The following SYNPR variants were observed in gnomAD, a reference collection of about 807,000 sequenced individuals.
SYNPR encodes the protein synaptoporin.
A neutral mutation model predicts 32.9 loss-of-function variants in SYNPR; 23 were observed. The ratio of observed to expected loss-of-function variants is 0.70; its 90% CI spans 0.50 to 0.99. SYNPR has a LOEUF of 0.99. Among genes scored for constraint, SYNPR ranks in the 50% least tolerant of loss-of-function variants. The pLI is 0.00. For synonymous variants in SYNPR, 146 were observed against 135.9 expected (o/e 1.07, Z -0.52); for missense variants, 318 against 349.3 (o/e 0.91, Z 0.71).
At position 63,356,771 on chromosome 3, in the gene SYNPR, G is replaced by A. The variant is rs762912607; in HGVS notation, c.84+78029G>A. Among the ~76,000 whole-genome samples, 6 of 152,264 alleles carry A rather than the reference G, an allele frequency of 3.9e-5. No homozygotes were observed. The South Asian group carries it at 1.0e-3, about 26-fold the overall frequency. ...TATTGAATGTGAAACATATTTCCCTGACACAAACTTATAGGCAGCTTTAGA... is the reference window on the plus strand; with the variant it reads ...TATTGAATGTGAAACATATTTCCCTAACACAAACTTATAGGCAGCTTTAGA... On this transcript the variant is annotated intron_variant, in intron 2 of 5. Coordinates refer to ENST00000478300, the MANE Select transcript of SYNPR (RefSeq NM_001130003.2).
chr3:63,280,859 C>G (rs893639290), intron 2 of SYNPR, among the ~76,000 whole-genome samples: 3 of 152,140 alleles, frequency 2.0e-5, no homozygotes, highest in Non-Finnish European at 2.9e-5. Flanking sequence ...TTCTAAGGCT[C>G]GAAGGAGGAA....
chr3:63,510,355 C>G (rs1215523885), intron 3 of SYNPR, among the ~76,000 whole-genome samples: 1 of 152,124 alleles, frequency 6.6e-6, no homozygotes, highest in Non-Finnish European at 1.5e-5. Flanking sequence ...TGTGTTTTTA[C>G]TTGTTTGATA....
chr3:63,237,684 C>A (rs550185892), intron 1 of SYNPR, among the ~76,000 whole-genome samples: 1 of 152,136 alleles, frequency 6.6e-6, no homozygotes, highest in South Asian at 2.1e-4. Context: ...TTCATTTTAT[C>A]ACATTTAAGT....
intron 3 of SYNPR, among the ~76,000 whole-genome samples, chr3:63,491,035 G>T (rs1439008745): frequency 2.6e-5 from 4 of 152,018 alleles, no homozygotes; most frequent in Admixed American, 2.6e-4. Context: ...AAGTGAGGGG[G>T]TTACAGGTGG....
chr3:63,507,919 T>C (rs2106748272), intron 3 of SYNPR, among the ~76,000 whole-genome samples: 1 of 152,148 alleles, frequency 6.6e-6, no homozygotes, highest in African/African-American at 2.4e-5. Context: ...AATTTTAAGT[T>C]ATCTAGTAGC....
rs1181179631 is a variant in SYNPR, at chr3:63,494,399, ATATATATATATATATATACG to A, written c.209+13458_209+13477del. On this transcript the variant is annotated intron_variant, in intron 3 of 5. Coordinates refer to ENST00000478300, the MANE Select transcript of SYNPR (RefSeq NM_001130003.2). Reference sequence around the variant, plus strand: ...AGGGTGGATATGTTAATTCTTATATATATATATATATATATATACGTATATATATATATACGTATATATAT... The same window carrying A: ...AGGGTGGATATGTTAATTCTTATATATATATATATATATACGTATATATAT... Among the ~76,000 whole-genome samples the A allele has an allele frequency of 5.2e-4, 23 of 44,608 alleles. 1 individual carries two copies. The highest frequency in any genetic ancestry group is 4.8e-4 in the Non-Finnish European group (11 of 22,994). The allele number at this position is 44,608 out of a possible 152,430, so 29.3% of individuals were successfully genotyped here.
At chr3:63,245,680 T>TGAGAGAGAGAGAGA (rs71992869) in intron 1 of SYNPR, among the ~76,000 whole-genome samples, 64 of 123,326 alleles carry the variant, frequency 5.2e-4, no homozygotes, top group African/African-American at 1.2e-3. Flanking sequence ...CTTTGTCAAG[T>TGAGAGAGAGAGAGA]GAGAGAGAGA....
chr3:63,541,174 C>A (rs948087269), intron 3 of SYNPR, among the ~76,000 whole-genome samples: 2 of 151,104 alleles, frequency 1.3e-5, no homozygotes, highest in Middle Eastern at 3.2e-3. Context: ...TAAAACCAAG[C>A]AGAGGCAGGC....
chr3:63,355,646 C>T (rs771805750), intron 2 of SYNPR, among the ~76,000 whole-genome samples: 1 of 152,162 alleles, frequency 6.6e-6, no homozygotes, highest in Non-Finnish European at 1.5e-5. Flanking sequence ...TCCCTGCTTT[C>T]GTTTTCATCC....
chr3:63,575,111 A>G (rs1432727513), intron 4 of SYNPR, among the ~76,000 whole-genome samples: 2 of 152,082 alleles, frequency 1.3e-5, no homozygotes, highest in African/African-American at 2.4e-5. Flanking sequence ...AGGTGCAAGC[A>G]CTTCACAGAA....
At chr3:63,529,162 G>T (rs902919442) in intron 3 of SYNPR, among the ~76,000 whole-genome samples, 1 of 152,130 alleles carries the variant, frequency 6.6e-6, no homozygotes, top group African/African-American at 2.4e-5. Context: ...AGTATCCATG[G>T]GGGACCCCTG....
chr3:63,566,094 A>G (rs1702785210), intron 4 of SYNPR, among the ~76,000 whole-genome samples: 1 of 151,942 alleles, frequency 6.6e-6, no homozygotes, highest in African/African-American at 2.4e-5. Flanking sequence ...TCATCAAAGA[A>G]CTCTTGCGTT....
chr3:63,481,738 G>A (rs890328616), intron 3 of SYNPR, among the ~76,000 whole-genome samples: 5 of 152,096 alleles, frequency 3.3e-5, no homozygotes, highest in African/African-American at 1.2e-4. Context: ...ACGTGCAAGT[G>A]CATGACTTCT....
At position 63,402,430 on chromosome 3, in the gene SYNPR, T is replaced by C. The variant is rs532960821; in HGVS notation, c.85-78402T>C. Reference sequence around the variant, plus strand: ...AATTCAATATGAATTCTAGTTCTTATCCCAAAAGCAAGTTAGTATTTTATA... The same window carrying C: ...AATTCAATATGAATTCTAGTTCTTACCCCAAAAGCAAGTTAGTATTTTATA... On this transcript the variant is annotated intron_variant, in intron 2 of 5. Coordinates refer to ENST00000478300, the MANE Select transcript of SYNPR (RefSeq NM_001130003.2). Among the ~76,000 whole-genome samples, 4 of 152,338 alleles carry C rather than the reference T, an allele frequency of 2.6e-5. 1 individual carries two copies. The South Asian group carries it at 6.2e-4, about 24-fold the overall frequency.
At chr3:63,462,060 C>T (rs898471778) in intron 2 of SYNPR, among the ~76,000 whole-genome samples, 66 of 152,202 alleles carry the variant, frequency 4.3e-4, no homozygotes, top group African/African-American at 1.5e-3. Context: ...TTCCTCTTGG[C>T]CACTGCAGCC....
intron 3 of SYNPR, among the ~76,000 whole-genome samples, chr3:63,547,715 T>A (rs1052876705): frequency 6.6e-6 from 1 of 152,162 alleles, no homozygotes; most frequent in Non-Finnish European, 1.5e-5. Flanking sequence ...AAATATGTGA[T>A]TGATACAAAC....
rs575629803 is a variant in SYNPR at position 63,433,890 on chromosome 3, C to A, written c.85-46942C>A. 2.0e-5 allele frequency among the ~76,000 whole-genome samples: 3 copies of A among 152,144 alleles called. No homozygotes were observed. The South Asian group carries it at 6.2e-4, about 32-fold the overall frequency. On this transcript the variant is annotated intron_variant, in intron 2 of 5. Coordinates refer to ENST00000478300, the MANE Select transcript of SYNPR (RefSeq NM_001130003.2). The stretch of plus-strand genomic sequence containing the variant: ...GAGGTTTTTACAAATATTTTATAAG[C>A]ACTCCAATTAAAATAATGCCCCAGA...
chr3:63,411,301 G>A (rs2088461717), intron 2 of SYNPR, among the ~76,000 whole-genome samples: 1 of 152,114 alleles, frequency 6.6e-6, no homozygotes, highest in East Asian at 1.9e-4. Flanking sequence ...TGGGTAGCAT[G>A]TTTCTGCTGG....
intron 2 of SYNPR, among the ~76,000 whole-genome samples, chr3:63,318,225 A>G (rs2087065045): frequency 6.6e-6 from 1 of 151,954 alleles, no homozygotes; most frequent in Non-Finnish European, 1.5e-5. Flanking sequence ...CCTGATGACA[A>G]TGTGCCTAGG....
Sources: gnomAD v4.1 joint callset for allele counts (sites outside exome capture counted in the v4.1 genomes callset) on GRCh38, gnomAD v4.1.1 for gene constraint, MANE v1.5 for transcripts, NCBI Gene and HGNC (gene_info 2026-07-23, HGNC 2026-07-21) for gene names.